The following CNTNAP2 variants were observed in gnomAD, a reference collection of about 807,000 sequenced individuals.
The protein encoded by CNTNAP2 is contactin-associated protein-like 2.
In CNTNAP2, 98 loss-of-function variants were observed where a neutral mutation model predicts 155.2. That is an observed-to-expected ratio of 0.63 (90% confidence interval 0.54 to 0.75). The LOEUF (loss-of-function observed/expected upper bound fraction) is 0.75. Ranked by LOEUF, CNTNAP2 falls within the 30% of genes least tolerant of loss-of-function variation. The pLI is 0.00. For synonymous variants in CNTNAP2, 651 were observed against 631.2 expected (o/e 1.03, Z -0.47); for missense variants, 1,727 against 1,688.1 (o/e 1.02, Z -0.40).
chr7:147,597,755 T>C (rs996439314), intron 12 of CNTNAP2, among the ~76,000 whole-genome samples: 1 of 152,192 alleles, frequency 6.6e-6, no homozygotes, highest in Non-Finnish European at 1.5e-5. Context: ...TGGGGCTGGT[T>C]GCGAGTAAGA....
intron 11 of CNTNAP2, among the ~76,000 whole-genome samples, chr7:147,513,306 T>C (rs368865721): frequency 1.8e-4 from 27 of 152,176 alleles, no homozygotes; most frequent in East Asian, 1.5e-3. Context: ...GAATGGATTA[T>C]AATCTTCTTA....
intron 1 of CNTNAP2, among the ~76,000 whole-genome samples, chr7:146,683,971 A>G (rs138085121): frequency 6.6e-6 from 1 of 152,232 alleles, no homozygotes; most frequent in East Asian, 1.9e-4. Context: ...GAAACAGGGA[A>G]TTTTCCCAAG....
chr7:147,284,939 G>A (rs749275784), intron 8 of CNTNAP2, among the ~76,000 whole-genome samples: 14 of 151,926 alleles, frequency 9.2e-5, no homozygotes, highest in Middle Eastern at 6.8e-3. Context: ...AGAATAAGTA[G>A]TAGAGAGGTT....
chr7:147,555,246 C>T (rs1295502259), intron 11 of CNTNAP2, among the ~76,000 whole-genome samples: 1 of 152,146 alleles, frequency 6.6e-6, no homozygotes, highest in Non-Finnish European at 1.5e-5. Context: ...ATAAGGAGGG[C>T]CCCAGAGACC....
intron 13 of CNTNAP2, among the ~76,000 whole-genome samples, chr7:147,760,775 G>T (rs1455218080): frequency 6.6e-6 from 1 of 152,158 alleles, no homozygotes; most frequent in South Asian, 2.1e-4. Flanking sequence ...GTGCTCTGTG[G>T]ACAGTATTAT....
At position 147,668,876 on chromosome 7, in the gene CNTNAP2, T is replaced by C. The variant is rs75812616; in HGVS notation, c.2098+29570T>C. On this transcript the variant is annotated intron_variant, in intron 13 of 23. Transcript: ENST00000361727. ...TGCGGTGATGCCCTAGGTGTTCACA[T>C]CCTGTCACCACTCACTGACTCACTC... Among the ~76,000 whole-genome samples, 182 of 152,286 alleles carry C rather than the reference T, an allele frequency of 1.2e-3. 2 individuals carry two copies. The East Asian group carries it at 0.03, about 25-fold the overall frequency.
intron 21 of CNTNAP2, among the ~76,000 whole-genome samples, chr7:148,321,310 C>CA (rs764377404): frequency 2.9e-4 from 44 of 151,966 alleles, no homozygotes; most frequent in East Asian, 1.2e-3. Context: ...AAATCCAGCA[C>CA]AAAAAAACCT....
chr7:146,887,360 T>C (rs1436756085), intron 3 of CNTNAP2, among the ~76,000 whole-genome samples: 1 of 151,996 alleles, frequency 6.6e-6, no homozygotes, highest in African/African-American at 2.4e-5. Flanking sequence ...GTATTTTTAA[T>C]AGAGACAGGT....
At chr7:147,054,420 C>T (rs570221994) in intron 4 of CNTNAP2, among the ~76,000 whole-genome samples, 1 of 152,160 alleles carries the variant, frequency 6.6e-6, no homozygotes, top group South Asian at 2.1e-4. Flanking sequence ...GGTAATCTTA[C>T]CTCCTGAGAT....
chr7:147,184,041 A>T (rs1043959359), intron 8 of CNTNAP2, among the ~76,000 whole-genome samples: 1 of 152,198 alleles, frequency 6.6e-6, no homozygotes, highest in Non-Finnish European at 1.5e-5. Context: ...TGAAAATGGG[A>T]TATTTAATTA....
intron 4 of CNTNAP2, among the ~76,000 whole-genome samples, chr7:147,079,461 C>A (rs10275671): frequency 0.55 from 82,983 of 151,788 alleles, 25,748 homozygotes; most frequent in East Asian, 0.74. Flanking sequence ...ATAATACACA[C>A]CCTGGATAGC....
intron 4 of CNTNAP2, among the ~76,000 whole-genome samples, chr7:147,059,316 AC>A (rs1799618999): frequency 6.6e-6 from 1 of 152,154 alleles, no homozygotes; most frequent in Non-Finnish European, 1.5e-5. Context: ...AATTGGACTG[AC>A]CACCTCAAAG....
intron 1 of CNTNAP2, among the ~76,000 whole-genome samples, chr7:146,694,047 G>C (rs1386365901): frequency 1.3e-5 from 2 of 151,992 alleles, no homozygotes; most frequent in Non-Finnish European, 2.9e-5. Context: ...ATGAATATTT[G>C]CTTCCTGGTT....
Position 147,268,790 on chromosome 7 carries a change from T to C in CNTNAP2, c.1349-31351T>C, listed in dbSNP as rs563345738. ...TACAGTCCAAATTTTTGGAGAAGGA[T>C]TGAGATTTTGTTTTCCTATTACACA... On this transcript the variant is annotated intron_variant, in intron 8 of 23. Transcript: ENST00000361727. 1.3e-4 allele frequency among the ~76,000 whole-genome samples: 20 copies of C among 152,274 alleles called. No individual in the cohort carries two copies. In the East Asian group the frequency reaches 3.3e-3, roughly 25 times the overall value.
chr7:147,714,951 A>C (rs1308076015), intron 13 of CNTNAP2, among the ~76,000 whole-genome samples: 2 of 152,118 alleles, frequency 1.3e-5, no homozygotes, highest in African/African-American at 4.8e-5. Flanking sequence ...GTATTCTTTT[A>C]AGATTTTTTT....
intron 18 of CNTNAP2, among the ~76,000 whole-genome samples, chr7:148,203,643 G>C (rs1033342624): frequency 6.6e-6 from 1 of 152,174 alleles, no homozygotes; most frequent in Non-Finnish European, 1.5e-5. Context: ...TTCTCAGGAG[G>C]CTGAAGCACA....
intron 13 of CNTNAP2, among the ~76,000 whole-genome samples, chr7:147,648,202 A>T (rs1169675374): frequency 6.6e-6 from 1 of 152,236 alleles, no homozygotes; most frequent in African/African-American, 2.4e-5. Flanking sequence ...AGAGGTTCAG[A>T]TTAAAGATGT....
intron 13 of CNTNAP2, among the ~76,000 whole-genome samples, chr7:147,754,240 G>A (rs906513439): frequency 6.6e-6 from 1 of 152,192 alleles, no homozygotes; most frequent in Non-Finnish European, 1.5e-5. Context: ...AAAATTTGGA[G>A]CAATGAAGCA....
chr7:146,794,780 C>A (rs1366816061), intron 2 of CNTNAP2, among the ~76,000 whole-genome samples: 1 of 152,150 alleles, frequency 6.6e-6, no homozygotes. Flanking sequence ...TTCAGAAAAA[C>A]AATACAAGTA....
Sources: gnomAD v4.1 joint callset for allele counts (sites outside exome capture counted in the v4.1 genomes callset) on GRCh38, gnomAD v4.1.1 for gene constraint, MANE v1.5 for transcripts, NCBI Gene and HGNC (gene_info 2026-07-23, HGNC 2026-07-21) for gene names.